The following EXOC6B variants were observed in gnomAD, a reference collection of about 807,000 sequenced individuals.
EXOC6B encodes exocyst complex component 6B.
Under a neutral mutation model 113.5 loss-of-function variants are expected in EXOC6B, and 54 were observed. The observed-to-expected ratio is 0.48, with a 90% CI of 0.38 to 0.60. EXOC6B has a LOEUF of 0.60. Among genes scored for constraint, EXOC6B ranks in the 20% least tolerant of loss-of-function variants. The pLI is 0.00. For missense variants in EXOC6B, 797 were observed against 977.5 expected, an observed-to-expected ratio of 0.82 and a Z score of 2.46; for synonymous variants, 357 against 339.0, an observed-to-expected ratio of 1.05 and a Z score of -0.58.
At chr2:72,617,259 A>G (rs1671442829) in intron 6 of EXOC6B, among the ~76,000 whole-genome samples, 1 of 151,776 alleles carries the variant, frequency 6.6e-6, no homozygotes, top group Non-Finnish European at 1.5e-5. Flanking sequence ...CTTTTCTAGG[A>G]GCATGGTGCA....
chr2:72,644,983 C>A (rs1264456213), intron 6 of EXOC6B, among the ~76,000 whole-genome samples: 1 of 152,150 alleles, frequency 6.6e-6, no homozygotes, highest in Admixed American at 6.5e-5. Flanking sequence ...ACTTAAAAGA[C>A]ACAGACTGGC....
At chr2:72,291,975 C>T (rs976521311) in intron 20 of EXOC6B, among the ~76,000 whole-genome samples, 1 of 152,184 alleles carries the variant, frequency 6.6e-6, no homozygotes, top group African/African-American at 2.4e-5. Context: ...TTGAGAATCA[C>T]AATCAAAGGT....
chr2:72,694,425 G>C (rs1677720227), intron 6 of EXOC6B, among the ~76,000 whole-genome samples: 1 of 152,134 alleles, frequency 6.6e-6, no homozygotes. Flanking sequence ...GTGGGTAACA[G>C]AGCAAGACTC....
intron 1 of EXOC6B, among the ~76,000 whole-genome samples, chr2:72,758,670 G>T (rs1408701649): frequency 6.6e-6 from 1 of 152,126 alleles, no homozygotes; most frequent in Non-Finnish European, 1.5e-5. Context: ...AGATGATCCA[G>T]CCCAATTTCA....
At chr2:72,397,534 C>T (rs1385885739) in intron 18 of EXOC6B, among the ~76,000 whole-genome samples, 4 of 150,756 alleles carry the variant, frequency 2.7e-5, no homozygotes, top group African/African-American at 9.8e-5. Flanking sequence ...GCAGGAGAAT[C>T]GCTTGAGCCC....
chr2:72,433,553 C>G (rs888162759), intron 18 of EXOC6B, among the ~76,000 whole-genome samples: 1 of 152,072 alleles, frequency 6.6e-6, no homozygotes, highest in African/African-American at 2.4e-5. Context: ...GAATGTGTTT[C>G]CATTTGTTTG....
At chr2:72,225,364 G>A (rs1681172267) in intron 20 of EXOC6B, among the ~76,000 whole-genome samples, 1 of 152,094 alleles carries the variant, frequency 6.6e-6, no homozygotes, top group Non-Finnish European at 1.5e-5. Context: ...CAGGTATTGG[G>A]CTAAGTTCTT....
chr2:72,592,311 C>G (rs1706020699), intron 6 of EXOC6B, among the ~76,000 whole-genome samples: 1 of 152,134 alleles, frequency 6.6e-6, no homozygotes, highest in Admixed American at 6.6e-5. Context: ...GCACTTTTGA[C>G]AATGCCAAAG....
intron 6 of EXOC6B, among the ~76,000 whole-genome samples, chr2:72,667,033 T>G (rs1675448489): frequency 2.0e-5 from 3 of 152,076 alleles, no homozygotes; most frequent in Admixed American, 2.0e-4. Context: ...CAGCTAATTT[T>G]TTTGTATTTT....
intron 18 of EXOC6B, among the ~76,000 whole-genome samples, chr2:72,437,519 C>T (rs1208036868): frequency 6.6e-6 from 1 of 152,196 alleles, no homozygotes; most frequent in Non-Finnish European, 1.5e-5. Flanking sequence ...CCCCCAGGTG[C>T]TCTGTCCCAG....
chr2:72,731,323 G>A, intron 3 of EXOC6B, 78 bp from the exon 4 acceptor site: 1 of 1,078,898 alleles, frequency 9.3e-7, no homozygotes, highest in South Asian at 1.4e-5. Context: ...TCCACACTGT[G>A]TTCAATTCAT....
rs755839202 is a variant in EXOC6B at position 72,492,403 on chromosome 2, C to T, written c.1580G>A (p.Arg527Gln). The stretch of plus-strand genomic sequence containing the variant: ...GGTTAGCAACAGGTTTGTTGATTTC[C>T]GAATCATGTCATCAACTTCAGTTGA... ...LSSTEVDDMI[R>Q]KSTNLLLTRT... The change falls in exon 16 of 22, where the codon CGG becomes CAG. Residue 527 changes from arginine (R) to glutamine (Q), a missense_variant. By Grantham distance (43) the Arg-to-Gln change is conservative (BLOSUM62 1). Transcript: ENST00000272427. 3.5e-5 allele frequency: 57 copies of T among 1,612,034 alleles called. 1 individual carries two copies. The Middle Eastern group carries it at 6.6e-4, about 19-fold the overall frequency.
At chr2:72,242,547 G>A (rs1248668684) in intron 20 of EXOC6B, among the ~76,000 whole-genome samples, 1 of 151,994 alleles carries the variant, frequency 6.6e-6, no homozygotes, top group African/African-American at 2.4e-5. Flanking sequence ...CAGAGGGCAG[G>A]AAAAGAATGA....
At chr2:72,335,226 A>T in intron 19 of EXOC6B, 1 of 559,472 alleles carries the variant, frequency 1.8e-6, no homozygotes, top group Non-Finnish European at 3.2e-6. Context: ...CCTGACAGCA[A>T]GGAAACTGTA....
In EXOC6B at chr2:72,575,979, C is replaced by A. The variant is rs113654839; in HGVS notation, c.670-311G>T. On this transcript the variant is annotated intron_variant, in intron 6 of 21. Coordinates refer to ENST00000272427, the MANE Select transcript of EXOC6B (RefSeq NM_015189.3). ...CATCATAAGGCTTTTCAAAAATATC[C>A]ATTAAATCATCACAAAAAGAAATCT... Among the ~76,000 whole-genome samples the A allele has an allele frequency of 5.2e-3, 798 of 152,098 alleles. 12 individuals are homozygous for A. The highest frequency in any genetic ancestry group is 0.018 in the African/African-American group (735 of 41,534).
At chr2:72,502,105 T>G (rs1365682484) in intron 11 of EXOC6B, among the ~76,000 whole-genome samples, 1 of 152,204 alleles carries the variant, frequency 6.6e-6, no homozygotes, top group Admixed American at 6.5e-5. Flanking sequence ...TTGTAGGAAT[T>G]AATAGCATTA....
intron 6 of EXOC6B, among the ~76,000 whole-genome samples, chr2:72,653,669 G>A (rs1008372401): frequency 6.8e-6 from 1 of 146,864 alleles, no homozygotes; most frequent in Non-Finnish European, 1.5e-5. Context: ...CACTAATTTT[G>A]CCCCTAAATT....
intron 20 of EXOC6B, among the ~76,000 whole-genome samples, chr2:72,309,664 T>C (rs1221284117): frequency 6.6e-6 from 1 of 152,190 alleles, no homozygotes; most frequent in African/African-American, 2.4e-5. Flanking sequence ...CAGTGAAACT[T>C]AATTTACCAC....
chr2:72,698,940 T>C (rs914079348), intron 6 of EXOC6B, among the ~76,000 whole-genome samples: 1 of 152,228 alleles, frequency 6.6e-6, no homozygotes, highest in Non-Finnish European at 1.5e-5. Context: ...AATATACTAC[T>C]GATTCTGACA....
Sources: allele counts gnomAD v4.1 joint callset (sites outside exome capture counted in the v4.1 genomes callset), GRCh38; gene constraint gnomAD v4.1.1; transcripts MANE v1.5; gene names NCBI Gene and HGNC (gene_info 2026-07-23, HGNC 2026-07-21).